Variants in ABI1 observed in about 807,000 individuals in gnomAD.
ABI1 encodes Abelson interactor 1.
Under a neutral mutation model 54.6 loss-of-function variants are expected in ABI1, and 14 were observed. The observed-to-expected ratio is 0.26, with a 90% CI of 0.17 to 0.40. The LOEUF (loss-of-function observed/expected upper bound fraction) is 0.40, where lower values mean the gene tolerates loss of function less well. ABI1 is among the 10% of genes least tolerant of loss of function. ABI1 has a pLI of 1.00. For synonymous variants in ABI1, 194 were observed against 209.3 expected (o/e 0.93, Z 0.63); for missense variants, 443 against 598.3 (o/e 0.74, Z 2.71).
rs1355608162 is a variant in ABI1 at position 26,860,016 on chromosome 10, C to G, written c.117+731G>C. On this transcript the variant is annotated intron_variant, in intron 1 of 10. Transcript: ENST00000376140. This position sits in a 1 kb window ranked among gnomAD's most constrained non-coding sequence, Gnocchi z 4.1. The stretch of plus-strand genomic sequence containing the variant: ...GGGGAAAAAAATAAAAAAAACCCGA[C>G]TTGAAAATGGACAAGCAGACAGATT... Among the ~76,000 whole-genome samples the G allele has an allele frequency of 3.3e-5, 5 of 152,210 alleles. No individual in the cohort carries two copies. The East Asian group carries it at 5.8e-4, about 18-fold the overall frequency.
intron 1 of ABI1, among the ~76,000 whole-genome samples, chr10:26,836,744 G>A (rs942805351): frequency 3.3e-5 from 5 of 152,174 alleles, no homozygotes; most frequent in African/African-American, 1.2e-4. Flanking sequence ...ATACTGAGCT[G>A]AAGAATTAAC....
At chr10:26,832,533 G>A (rs902501415) in intron 1 of ABI1, among the ~76,000 whole-genome samples, 1 of 151,978 alleles carries the variant, frequency 6.6e-6, no homozygotes, top group Non-Finnish European at 1.5e-5. Flanking sequence ...GCAGTGAACC[G>A]AGATCACGTC....
intron 1 of ABI1, among the ~76,000 whole-genome samples, chr10:26,835,648 A>C (rs1206185550): frequency 6.6e-6 from 1 of 152,064 alleles, no homozygotes. Flanking sequence ...ATGTTCTAAA[A>C]GGAAATATAT....
chr10:26,814,298 A>G (rs1274366117), intron 2 of ABI1, among the ~76,000 whole-genome samples: 1 of 152,204 alleles, frequency 6.6e-6, no homozygotes, highest in Admixed American at 6.5e-5. Context: ...CTAGCTACCT[A>G]CGACTTCAGG....
chr10:26,855,918 C>T (rs1293595591), intron 1 of ABI1, among the ~76,000 whole-genome samples: 2 of 143,398 alleles, frequency 1.4e-5, no homozygotes, highest in African/African-American at 2.6e-5. Flanking sequence ...TTGCAGTGAG[C>T]TGAGATCGTG....
chr10:26,785,824 T>C (rs1188009433), intron 2 of ABI1, among the ~76,000 whole-genome samples: 1 of 152,018 alleles, frequency 6.6e-6, no homozygotes, highest in African/African-American at 2.4e-5. Context: ...AAACTGGTGG[T>C]CCCTCTCCTG....
chr10:26,830,846 A>G (rs1049202992), intron 1 of ABI1, among the ~76,000 whole-genome samples: 1 of 152,180 alleles, frequency 6.6e-6, no homozygotes, highest in Admixed American at 6.5e-5. Flanking sequence ...AATGTTTTCA[A>G]GTGCTTGTGC....
chr10:26,803,812 T>C (rs1315611517), intron 2 of ABI1, among the ~76,000 whole-genome samples: 2 of 152,182 alleles, frequency 1.3e-5, no homozygotes, highest in African/African-American at 4.8e-5. Context: ...TGCCAGGCCC[T>C]ATTGAAGATA....
intron 1 of ABI1, among the ~76,000 whole-genome samples, chr10:26,844,553 G>A (rs2049829083): frequency 6.6e-6 from 1 of 152,086 alleles, no homozygotes; most frequent in African/African-American, 2.4e-5. Context: ...TTCTGCCCAC[G>A]CAGCCAGCTA....
Position 26,746,610 on chromosome 10 carries a change from ATT to A in ABI1, c.*1958_*1959del. The A allele has an allele frequency of 1.1e-6, 1 of 873,136 alleles. No individual in the cohort carries two copies. The allele number at this position is 873,136 out of a possible 1,614,324, so 54.1% of individuals were successfully genotyped here. On this transcript the variant is annotated 3_prime_UTR_variant, in exon 11 of 11. Transcript: ENST00000376140. ...TATCAAACTTATTGATGGGCAATTT[ATT>A]TTTTTTTATTGCAAAAGTTTTTTCA...
chr10:26,747,106 G>A lies in ABI1; in HGVS notation c.*1464C>T, dbSNP rs539934906. 32 of 227,978 alleles carry A rather than the reference G, an allele frequency of 1.4e-4. No individual in the cohort carries two copies. Among genetic ancestry groups the A allele is most frequent in the Non-Finnish European group, 2.3e-4 (26 of 114,756 alleles). 14.1% of individuals were successfully genotyped at this position (227,978 alleles called of 1,614,324 possible). A position where few individuals can be genotyped will look rare whatever the true frequency, so the allele number is the denominator to read the frequency against. On this transcript the variant is annotated 3_prime_UTR_variant, in exon 11 of 11. Coordinates refer to ENST00000376140, the MANE Select transcript of ABI1 (RefSeq NM_001012750.3). ...TAGCAATAATGGTCTTTAATTTTCAGAAATAACTGTTTTGCACTAGTCTTA... is the reference window on the plus strand; with the variant it reads ...TAGCAATAATGGTCTTTAATTTTCAAAAATAACTGTTTTGCACTAGTCTTA...
intron 2 of ABI1, among the ~76,000 whole-genome samples, chr10:26,798,395 C>T (rs542674380): frequency 4.3e-4 from 66 of 151,866 alleles, no homozygotes; most frequent in African/African-American, 1.5e-3. Context: ...TGATGCCATA[C>T]GAAAAAGACT....
At chr10:26,830,122 G>A (rs75672933) in intron 1 of ABI1, among the ~76,000 whole-genome samples, 1 of 152,172 alleles carries the variant, frequency 6.6e-6, no homozygotes, top group East Asian at 1.9e-4. Context: ...CCTTGTTACC[G>A]CTAAGTAGTG....
chr10:26,776,932 T>G (rs1841477109), intron 3 of ABI1, 133 bp downstream of exon 3: 10 of 815,014 alleles, frequency 1.2e-5, no homozygotes, highest in Non-Finnish European at 1.6e-5. Context: ...AAATTCATAT[T>G]AAATATTGTA....
chr10:26,841,973 G>T (rs1238952035), intron 1 of ABI1, among the ~76,000 whole-genome samples: 2 of 152,032 alleles, frequency 1.3e-5, no homozygotes, highest in Non-Finnish European at 2.9e-5. Flanking sequence ...GGGTCATATA[G>T]TACTTCTATT....
chr10:26,755,271 ATATC>A (rs1838159074), intron 9 of ABI1, among the ~76,000 whole-genome samples: 1 of 152,304 alleles, frequency 6.6e-6, no homozygotes, highest in South Asian at 2.1e-4. Flanking sequence ...ATCTTACAGT[ATATC>A]TACCTATCTC....
chr10:26,819,617 T>A (rs867027488), intron 2 of ABI1, among the ~76,000 whole-genome samples: 1 of 152,070 alleles, frequency 6.6e-6, no homozygotes, highest in African/African-American at 2.4e-5. Flanking sequence ...CAGAGAAAAA[T>A]ACACATTCTT....
chr10:26,774,413 G>T (rs541421506), intron 3 of ABI1, among the ~76,000 whole-genome samples: 1 of 152,164 alleles, frequency 6.6e-6, no homozygotes, highest in South Asian at 2.1e-4. Context: ...AAATTTCTTT[G>T]CTAAGTATTC....
chr10:26,836,188 A>C (rs10829087), intron 1 of ABI1, among the ~76,000 whole-genome samples: 40,572 of 151,518 alleles, frequency 0.27, 6,179 homozygotes, highest in South Asian at 0.44. Context: ...TCTCAGCTCA[A>C]TGCAACCTCC....
Sources: allele counts gnomAD v4.1 joint callset (sites outside exome capture counted in the v4.1 genomes callset), GRCh38; gene constraint gnomAD v4.1.1; non-coding constraint Gnocchi (gnomAD v3.1); transcripts MANE v1.5; gene names NCBI Gene and HGNC (gene_info 2026-07-23, HGNC 2026-07-21).